The following NRXN1 variants were observed in gnomAD, a reference collection of about 807,000 sequenced individuals.
The protein encoded by NRXN1 is neurexin 1, also known as neurexin-1.
NRXN1 carries 39 observed loss-of-function variants against 150.9 expected under a neutral mutation model. The ratio of observed to expected loss-of-function variants is 0.26; its 90% CI spans 0.20 to 0.34. The LOEUF is 0.34. NRXN1 is among the 10% of genes least tolerant of loss of function. The pLI, the probability that NRXN1 is intolerant of heterozygous loss-of-function variation, is 1.00. For missense variants in NRXN1, 1,815 were observed against 1,949.9 expected (o/e 0.93, Z 1.30); for synonymous variants, 924 against 757.0 (o/e 1.22, Z -3.62).
chr2:49,954,672 AAT>A (rs1282337603), intron 21 of NRXN1, among the ~76,000 whole-genome samples: 1 of 152,164 alleles, frequency 6.6e-6, no homozygotes, highest in Non-Finnish European at 1.5e-5. Flanking sequence ...TTGTAGTTAT[AAT>A]ATGACTTTAC....
In NRXN1 at chr2:50,336,363, C is replaced by G. The variant is rs571492753; in HGVS notation, c.3365-99393G>C. On this transcript the variant is annotated intron_variant, in intron 17 of 22. Transcript: ENST00000401669. ...AATGAGTAGTAGAGATGCTTAAATT[C>G]TCTATCTAGTCTACAATACCATGCA... 7.2e-5 allele frequency among the ~76,000 whole-genome samples: 11 copies of G among 152,314 alleles called. No individual in the cohort carries two copies. In the South Asian group the frequency reaches 1.2e-3, roughly 17 times the overall value.
chr2:50,769,429 T>C (rs1216169080), intron 5 of NRXN1, among the ~76,000 whole-genome samples: 1 of 152,164 alleles, frequency 6.6e-6, no homozygotes, highest in Non-Finnish European at 1.5e-5. Context: ...AGAAATATTA[T>C]ACATTTTGAT....
rs950716529 is a variant in NRXN1, at chr2:50,538,755, C to A, written c.1760-119G>T. 6.4e-6 allele frequency: 5 copies of A among 780,144 alleles called. No homozygotes were observed. The African/African-American group carries it at 7.6e-5, about 12-fold the overall frequency. 48.3% of individuals were successfully genotyped at this position (780,144 alleles called of 1,614,324 possible). ...TTGGAGGCAGACAATTATTATTATT[C>A]TTTCTGTCCTCACTTTTTGGTATTT... On this transcript the variant is annotated intron_variant, in intron 9 of 22. Transcript: ENST00000401669.
chr2:50,931,593 A>T (rs75099798), intron 2 of NRXN1, among the ~76,000 whole-genome samples: 35 of 152,230 alleles, frequency 2.3e-4, no homozygotes, highest in African/African-American at 7.5e-4. Flanking sequence ...CATATGTAAC[A>T]AACAGCTTGG....
In NRXN1 at chr2:49,922,200, A is replaced by C. The variant is rs201987844; in HGVS notation, c.4268T>G (p.Val1423Gly). Residue 1423 changes from valine to glycine, a missense_variant, in exon 23 of 23, where the codon GTG (valine) becomes GGG (glycine). Physicochemically the swap from Val to Gly is moderately radical, Grantham distance 109 (BLOSUM62 -3). Coordinates refer to ENST00000401669, the MANE Select transcript of NRXN1 (RefSeq NM_001330078.2). Reference protein sequence around the residue: ...GREPYPGSAEVIRESSSTTGM... With the variant: ...GREPYPGSAEGIRESSSTTGM... ...CGTGGTGCTGCTGGACTCCCGGATCACTTCTGCTGAGCCTGGATACGGCTC... is the reference window on the plus strand; with the variant it reads ...CGTGGTGCTGCTGGACTCCCGGATCCCTTCTGCTGAGCCTGGATACGGCTC... The C allele has an allele frequency of 6.2e-7, 1 of 1,614,134 alleles. No homozygotes were observed. Among genetic ancestry groups the C allele is most frequent in the African/African-American group, 1.3e-5 (1 of 75,026 alleles).
intron 15 of NRXN1, among the ~76,000 whole-genome samples, chr2:50,484,642 C>T (rs1487539977): frequency 6.6e-6 from 1 of 152,120 alleles, no homozygotes; most frequent in Admixed American, 6.5e-5. Flanking sequence ...AAATGTTCTG[C>T]AGAATATATA....
chr2:50,560,380 A>C (rs1221545869), intron 8 of NRXN1, among the ~76,000 whole-genome samples: 4 of 152,152 alleles, frequency 2.6e-5, no homozygotes, highest in African/African-American at 7.2e-5. Context: ...TAGGGAAGAC[A>C]GTGTAGAAAA....
At chr2:50,700,779 A>T in intron 5 of NRXN1, among the ~76,000 whole-genome samples, 1 of 152,030 alleles carries the variant, frequency 6.6e-6, no homozygotes, top group East Asian at 1.9e-4. Flanking sequence ...CTAGACCAAT[A>T]GATTTCCAAA....
At chr2:49,970,091 T>C (rs576360273) in intron 21 of NRXN1, 2 of 152,222 alleles carry the variant, frequency 1.3e-5, no homozygotes, top group Admixed American at 1.3e-4. Context: ...TTTTTGTCTT[T>C]CAAAGTAATG....
chr2:50,326,537 G>A (rs554284944), intron 17 of NRXN1, among the ~76,000 whole-genome samples: 1 of 152,226 alleles, frequency 6.6e-6, no homozygotes, highest in African/African-American at 2.4e-5. Flanking sequence ...AAATACCAAA[G>A]GGGCAGGTAG....
Position 50,586,973 on chromosome 2 carries a change from A to G in NRXN1, c.1320+33049T>C, listed in dbSNP as rs138048621. ...TGTCAATACATGGCTTCTGTTTTGT[A>G]TTAGGAAAGATAATTTCCAAAGAAA... On this transcript the variant is annotated intron_variant, in intron 8 of 22. Transcript: ENST00000401669. 2.2e-3 allele frequency among the ~76,000 whole-genome samples: 336 copies of G among 152,314 alleles called. 1 individual carries two copies. Among genetic ancestry groups the G allele is most frequent in the African/African-American group, 7.8e-3 (326 of 41,568 alleles).
chr2:50,828,533 C>T (rs1411616166), intron 5 of NRXN1, among the ~76,000 whole-genome samples: 4 of 149,824 alleles, frequency 2.7e-5, no homozygotes, highest in Non-Finnish European at 5.9e-5. Flanking sequence ...GGCAGAGACG[C>T]TCCTCACCTC....
chr2:49,930,371 C>T (rs1024974475), intron 22 of NRXN1, among the ~76,000 whole-genome samples: 5 of 152,104 alleles, frequency 3.3e-5, no homozygotes, highest in African/African-American at 1.2e-4. Flanking sequence ...GTAAATACCT[C>T]TAAAATACAG....
intron 21 of NRXN1, among the ~76,000 whole-genome samples, chr2:49,997,943 G>C (rs902819543): frequency 8.5e-5 from 13 of 152,196 alleles, no homozygotes; most frequent in African/African-American, 1.4e-4. Context: ...TCAAGTCTTG[G>C]GTTGGCCCAG....
At chr2:50,358,128 G>C (rs2078950948) in intron 17 of NRXN1, among the ~76,000 whole-genome samples, 2 of 152,112 alleles carry the variant, frequency 1.3e-5, no homozygotes, top group African/African-American at 4.8e-5. Context: ...CAAGGGACCT[G>C]GGTTTCAAGC....
intron 8 of NRXN1, among the ~76,000 whole-genome samples, chr2:50,581,202 C>A (rs1004251655): frequency 3.9e-5 from 6 of 152,118 alleles, no homozygotes; most frequent in Non-Finnish European, 8.8e-5. Context: ...TATTGTCTGG[C>A]ACTCAAACAT....
intron 17 of NRXN1, among the ~76,000 whole-genome samples, chr2:50,416,605 G>A (rs935096705): frequency 6.6e-6 from 1 of 152,128 alleles, no homozygotes; most frequent in Non-Finnish European, 1.5e-5. Context: ...TAAAGGAAGA[G>A]GTTTAATTGA....
chr2:50,790,640 T>G (rs1705808561), intron 5 of NRXN1, among the ~76,000 whole-genome samples: 1 of 152,144 alleles, frequency 6.6e-6, no homozygotes. Context: ...AAAACCATAG[T>G]GTAAAATGCA....
At position 50,373,236 on chromosome 2, in the gene NRXN1, C is replaced by T. The variant is rs147683882; in HGVS notation, c.3364+92206G>A. On this transcript the variant is annotated intron_variant, in intron 17 of 22. Coordinates refer to ENST00000401669, the MANE Select transcript of NRXN1 (RefSeq NM_001330078.2). ...GTTAATATAATTACTTAGATTAGGG[C>T]ATTGACTGTTTTACCTAAAGACCAG... Among the ~76,000 whole-genome samples, 993 of 151,090 alleles carry T rather than the reference C, an allele frequency of 6.6e-3. 12 individuals carry two copies. The highest frequency in any genetic ancestry group is 0.058 in the South Asian group (275 of 4,782).
Sources: gnomAD v4.1 joint callset for allele counts (sites outside exome capture counted in the v4.1 genomes callset) on GRCh38, gnomAD v4.1.1 for gene constraint, MANE v1.5 for transcripts, NCBI Gene and HGNC (gene_info 2026-07-23, HGNC 2026-07-21) for gene names.